PTPRD: variants seen among roughly 807,000 people sequenced by gnomAD.
PTPRD encodes receptor-type tyrosine-protein phosphatase delta.
In PTPRD, 34 loss-of-function variants were observed where a neutral mutation model predicts 214.5. The observed-to-expected ratio is 0.16, with a 90% CI of 0.12 to 0.21. The LOEUF (loss-of-function observed/expected upper bound fraction) is 0.21, where lower values mean the gene tolerates loss of function less well. Ranked by LOEUF, PTPRD falls within the 10% of genes least tolerant of loss-of-function variation. The probability of loss-of-function intolerance (pLI) is 1.00; values close to 1 mark genes in which losing one functional copy is unlikely to be tolerated. For synonymous variants in PTPRD, 1,128 were observed against 845.7 expected (o/e 1.33, Z -5.79); for missense variants, 2,545 against 2,398.7 (o/e 1.06, Z -1.27).
intron 9 of PTPRD, among the ~76,000 whole-genome samples, chr9:9,290,143 T>C (rs191517901): frequency 6.6e-6 from 1 of 151,880 alleles, no homozygotes; most frequent in African/African-American, 2.4e-5. Flanking sequence ...TTTTTCATAA[T>C]AGCCATTCAA....
intron 9 of PTPRD, among the ~76,000 whole-genome samples, chr9:9,186,669 A>ACG (rs1422661300): frequency 6.6e-6 from 1 of 151,216 alleles, no homozygotes; most frequent in Non-Finnish European, 1.5e-5. Flanking sequence ...TCTCTCTCAC[A>ACG]CACACACACA....
At chr9:8,696,320 C>T (rs1346318939) in intron 12 of PTPRD, among the ~76,000 whole-genome samples, 1 of 152,196 alleles carries the variant, frequency 6.6e-6, no homozygotes, top group Non-Finnish European at 1.5e-5. Context: ...TGAAATTCAG[C>T]TCTCTCCCAT....
intron 2 of PTPRD, among the ~76,000 whole-genome samples, chr9:10,351,443 G>T (rs2097180838): frequency 6.6e-6 from 1 of 151,984 alleles, no homozygotes; most frequent in Non-Finnish European, 1.5e-5. Flanking sequence ...GTAGAAAAGG[G>T]AATGGATTTG....
chr9:10,282,248 G>C (rs2095155285), intron 3 of PTPRD, among the ~76,000 whole-genome samples: 2 of 152,104 alleles, frequency 1.3e-5, no homozygotes, highest in Admixed American at 6.6e-5. Context: ...TATAGGATTA[G>C]GCAGTAACTT....
intron 7 of PTPRD, among the ~76,000 whole-genome samples, chr9:9,680,221 G>A (rs1362972170): frequency 2.6e-5 from 4 of 151,724 alleles, no homozygotes; most frequent in Non-Finnish European, 5.9e-5. Context: ...TGATAAAAAA[G>A]CCTTTATCTT....
At chr9:9,895,647 G>C (rs1019053422) in intron 5 of PTPRD, among the ~76,000 whole-genome samples, 1 of 151,924 alleles carries the variant, frequency 6.6e-6, no homozygotes, top group African/African-American at 2.4e-5. Flanking sequence ...TTACACAGGA[G>C]GAATATGTTT....
chr9:8,758,245 G>A (rs2094155955), intron 11 of PTPRD, among the ~76,000 whole-genome samples: 1 of 152,104 alleles, frequency 6.6e-6, no homozygotes, highest in Non-Finnish European at 1.5e-5. Flanking sequence ...ATGCCCTACA[G>A]AATATAATTT....
chr9:8,461,958 G>A (rs145975050), intron 32 of PTPRD, among the ~76,000 whole-genome samples: 15 of 151,812 alleles, frequency 9.9e-5, no homozygotes, highest in Non-Finnish European at 1.3e-4. Flanking sequence ...CCCTGAACCC[G>A]TATTCTTAAG....
At chr9:8,683,132 G>C (rs1042159357) in intron 12 of PTPRD, among the ~76,000 whole-genome samples, 1 of 152,124 alleles carries the variant, frequency 6.6e-6, no homozygotes, top group Non-Finnish European at 1.5e-5. Context: ...GGAAGAAAAG[G>C]TGGATCTGGC....
At chr9:9,504,085 C>A (rs1333863102) in intron 8 of PTPRD, among the ~76,000 whole-genome samples, 1 of 151,686 alleles carries the variant, frequency 6.6e-6, no homozygotes, top group Non-Finnish European at 1.5e-5. Flanking sequence ...CATTGCAATA[C>A]CCTATTCCAA....
chr9:10,470,726 C>T (rs2099024986), intron 2 of PTPRD, among the ~76,000 whole-genome samples: 1 of 152,102 alleles, frequency 6.6e-6, no homozygotes, highest in South Asian at 2.1e-4. Context: ...AAATTTTCCC[C>T]TCTGAGGCAG....
At chr9:10,609,775 G>C (rs920608610) in intron 2 of PTPRD, among the ~76,000 whole-genome samples, 2 of 152,048 alleles carry the variant, frequency 1.3e-5, no homozygotes, top group Non-Finnish European at 2.9e-5. Flanking sequence ...AGTGTATTTA[G>C]TAAATAGTAA....
intron 44 of PTPRD, among the ~76,000 whole-genome samples, chr9:8,320,419 C>T (rs1354004329): frequency 6.6e-6 from 1 of 152,088 alleles, no homozygotes; most frequent in East Asian, 1.9e-4. Context: ...ACTTAAAATA[C>T]ATATGCGATG....
chr9:9,858,925 A>G (rs2062088079), intron 5 of PTPRD, among the ~76,000 whole-genome samples: 1 of 152,184 alleles, frequency 6.6e-6, no homozygotes, highest in Non-Finnish European at 1.5e-5. Flanking sequence ...AAGAACAGGC[A>G]TCACCTCTCA....
At chr9:10,594,560 C>G (rs2076206485) in intron 2 of PTPRD, among the ~76,000 whole-genome samples, 1 of 151,964 alleles carries the variant, frequency 6.6e-6, no homozygotes, top group Admixed American at 6.6e-5. Flanking sequence ...CAATAAAATG[C>G]TACATTTCTC....
chr9:9,785,103 A>G (rs911238856), intron 5 of PTPRD, among the ~76,000 whole-genome samples: 2 of 151,868 alleles, frequency 1.3e-5, no homozygotes, highest in African/African-American at 4.8e-5. Flanking sequence ...GAACAAAAAT[A>G]TGAAATTGTA....
chr9:10,427,988 T>A (rs917628394), intron 2 of PTPRD, among the ~76,000 whole-genome samples: 1 of 152,092 alleles, frequency 6.6e-6, no homozygotes, highest in Non-Finnish European at 1.5e-5. Context: ...ATTTGTTAAG[T>A]AATAAGTTTA....
At chr9:9,125,888 C>T (rs1221832931) in intron 10 of PTPRD, among the ~76,000 whole-genome samples, 2 of 152,074 alleles carry the variant, frequency 1.3e-5, no homozygotes, top group Admixed American at 1.3e-4. Context: ...GAGGAGGTGA[C>T]CTTTGAGCTG....
chr9:9,180,262 C>T (rs2099927435), intron 10 of PTPRD, among the ~76,000 whole-genome samples: 1 of 151,808 alleles, frequency 6.6e-6, no homozygotes, highest in African/African-American at 2.4e-5. Context: ...GAATACTATG[C>T]AGCCACAAAA....
Sources: gnomAD v4.1 joint callset for allele counts (sites outside exome capture counted in the v4.1 genomes callset) on GRCh38, gnomAD v4.1.1 for gene constraint, MANE v1.5 for transcripts, NCBI Gene and HGNC (gene_info 2026-07-23, HGNC 2026-07-21) for gene names.